COL19A1: variants seen among roughly 807,000 people sequenced by gnomAD.
The protein encoded by COL19A1 is collagen type XIX alpha 1 chain, also known as collagen alpha-1(XIX) chain.
A neutral mutation model predicts 190.2 loss-of-function variants in COL19A1; 159 were observed. The ratio of observed to expected loss-of-function variants is 0.84; its 90% CI spans 0.73 to 0.95. The LOEUF is 0.95. COL19A1 is among the 40% of genes least tolerant of loss of function. The pLI is 0.00. For synonymous variants in COL19A1, 509 were observed against 458.9 expected (o/e 1.11, Z -1.39); for missense variants, 1,418 against 1,431.9 (o/e 0.99, Z 0.16).
intron 15 of COL19A1, among the ~76,000 whole-genome samples, chr6:70,084,891 T>C (rs1364197142): frequency 6.6e-6 from 1 of 152,162 alleles, no homozygotes; most frequent in Non-Finnish European, 1.5e-5. Context: ...AAGGCATTAA[T>C]TCTGGAGTCT....
At chr6:70,179,978 G>T (rs1766064089) in intron 42 of COL19A1, among the ~76,000 whole-genome samples, 1 of 152,126 alleles carries the variant, frequency 6.6e-6, no homozygotes, top group Non-Finnish European at 1.5e-5. Flanking sequence ...CGCCTCCTGG[G>T]TTCAAGTGAT....
chr6:70,172,989 A>C (rs1277402973), intron 41 of COL19A1, among the ~76,000 whole-genome samples: 2 of 152,220 alleles, frequency 1.3e-5, no homozygotes, highest in African/African-American at 4.8e-5. Flanking sequence ...TGAAGGTAGC[A>C]CTGATAGGAT....
At chr6:69,947,046 A>G (rs1180990756) in intron 9 of COL19A1, among the ~76,000 whole-genome samples, 1 of 151,838 alleles carries the variant, frequency 6.6e-6, no homozygotes, top group Non-Finnish European at 1.5e-5. Context: ...AATCTAAAAT[A>G]TTTACTCTCT....
At chr6:70,103,066 C>T (rs1251823864) in intron 16 of COL19A1, among the ~76,000 whole-genome samples, 1 of 152,146 alleles carries the variant, frequency 6.6e-6, no homozygotes, top group East Asian at 1.9e-4. Flanking sequence ...TTTATTTCAA[C>T]CCAGACATTG....
chr6:70,141,856 T>C (rs1786271739), intron 20 of COL19A1, 37 bp from the exon 21 acceptor site: 2 of 1,369,520 alleles, frequency 1.5e-6, no homozygotes, highest in Non-Finnish European at 1.0e-6. Context: ...CCATCTGAAT[T>C]TAAGCATTAC....
chr6:69,921,459 A>ATATATATTCATATATTCATATATAT (rs1216997835), intron 4 of COL19A1, among the ~76,000 whole-genome samples: 2 of 21,270 alleles, frequency 9.4e-5, no homozygotes, highest in Non-Finnish European at 2.0e-4. Flanking sequence ...TATCATATAT[A>ATATATATTCATATATTCATATATAT]TCATATATAT....
chr6:70,009,569 G>A (rs74725443), intron 11 of COL19A1, among the ~76,000 whole-genome samples: 1 of 151,968 alleles, frequency 6.6e-6, no homozygotes, highest in Non-Finnish European at 1.5e-5. Context: ...AAAATCTGAA[G>A]CATTTTTGCA....
intron 11 of COL19A1, among the ~76,000 whole-genome samples, chr6:69,994,260 T>C (rs998952671): frequency 1.3e-5 from 2 of 152,178 alleles, no homozygotes; most frequent in African/African-American, 4.8e-5. Context: ...TTTAATGATG[T>C]TAAATTCCTA....
At chr6:70,141,101 A>C (rs1263571970) in intron 20 of COL19A1, 112 bp downstream of exon 20, 1 of 929,088 alleles carries the variant, frequency 1.1e-6, no homozygotes, top group Non-Finnish European at 1.6e-6. Flanking sequence ...AATAAGGTCC[A>C]TGAGCATTTT....
chr6:69,984,507 T>C (rs1264012152), intron 11 of COL19A1, among the ~76,000 whole-genome samples: 1 of 152,098 alleles, frequency 6.6e-6, no homozygotes, highest in Admixed American at 6.5e-5. Flanking sequence ...AGATATATAA[T>C]TTTAGCATTT....
chr6:70,137,781 T>TATCTAAAA (rs765044187), intron 19 of COL19A1, 34 bp downstream of exon 19: 1 of 1,602,708 alleles, frequency 6.2e-7, no homozygotes, highest in African/African-American at 1.3e-5. Flanking sequence ...AGAGGAAGAA[T>TATCTAAAA]ATCTAAAAAA....
chr6:70,093,763 C>A (rs1404552849), intron 15 of COL19A1, among the ~76,000 whole-genome samples: 1 of 152,118 alleles, frequency 6.6e-6, no homozygotes, highest in Non-Finnish European at 1.5e-5. Context: ...ATCATTTATT[C>A]AGATTATCAT....
chr6:70,113,973 C>T (rs1329621915), intron 16 of COL19A1, among the ~76,000 whole-genome samples: 1 of 150,980 alleles, frequency 6.6e-6, no homozygotes, highest in African/African-American at 2.4e-5. Context: ...GCCTCAGCTT[C>T]CCAAGTAGCT....
intron 7 of COL19A1, among the ~76,000 whole-genome samples, chr6:69,934,142 G>A (rs1363114230): frequency 6.6e-6 from 1 of 151,970 alleles, no homozygotes; most frequent in East Asian, 1.9e-4. Flanking sequence ...TTAAAGCATA[G>A]CTAAGTCTTT....
chr6:70,019,228 C>T (rs1393382447), intron 11 of COL19A1, among the ~76,000 whole-genome samples: 1 of 152,070 alleles, frequency 6.6e-6, no homozygotes, highest in Non-Finnish European at 1.5e-5. Flanking sequence ...GATTTATCAT[C>T]TGTAAATGGG....
intron 17 of COL19A1, among the ~76,000 whole-genome samples, chr6:70,122,404 T>A (rs1203801285): frequency 5.5e-5 from 4 of 73,286 alleles, no homozygotes; most frequent in Non-Finnish European, 1.1e-4. Context: ...TACATTCAAT[T>A]TCCCCACGGT....
chr6:69,987,553 G>A (rs1776379301), intron 11 of COL19A1, among the ~76,000 whole-genome samples: 3 of 152,194 alleles, frequency 2.0e-5, no homozygotes, highest in Non-Finnish European at 4.4e-5. Flanking sequence ...ACAACACTGT[G>A]TTTTTAACAT....
rs553013936 is a variant in COL19A1, at chr6:69,963,126, A to G, written c.1026+256A>G. On this transcript the variant is annotated intron_variant, in intron 11 of 50. Transcript: ENST00000620364. Reference sequence around the variant, plus strand: ...TGTTTCATTGACATGGAAATGATTTAAACATTTATAAAGCATTATATTTTT... The same window carrying G: ...TGTTTCATTGACATGGAAATGATTTGAACATTTATAAAGCATTATATTTTT... Among the ~76,000 whole-genome samples the G allele has an allele frequency of 2.6e-5, 4 of 152,358 alleles. No homozygotes were observed. The South Asian group carries it at 8.3e-4, about 32-fold the overall frequency.
intron 11 of COL19A1, among the ~76,000 whole-genome samples, chr6:70,001,284 G>C (rs1777248939): frequency 6.6e-6 from 1 of 152,128 alleles, no homozygotes; most frequent in African/African-American, 2.4e-5. Flanking sequence ...TTGTAGTATA[G>C]TTTGAAGTCA....
Sources: gnomAD v4.1 joint callset for allele counts (sites outside exome capture counted in the v4.1 genomes callset) on GRCh38, gnomAD v4.1.1 for gene constraint, MANE v1.5 for transcripts, NCBI Gene and HGNC (gene_info 2026-07-23, HGNC 2026-07-21) for gene names.